Variants in EVI5 observed in about 807,000 individuals in gnomAD.
EVI5 encodes ecotropic viral integration site 5, also known as ecotropic viral integration site 5 protein homolog.
In EVI5, 73 loss-of-function variants were observed where a neutral mutation model predicts 112.0. The observed-to-expected ratio is 0.65, with a 90% CI of 0.54 to 0.79. EVI5 has a LOEUF of 0.79. EVI5 is among the 30% of genes least tolerant of loss of function. The pLI is 0.00. For missense variants in EVI5, 900 were observed against 968.8 expected (o/e 0.93, Z 0.94); for synonymous variants, 305 against 319.9 (o/e 0.95, Z 0.50).
In EVI5 at chr1:92,680,993, G is replaced by C. The variant is rs1473521346; in HGVS notation, c.1098-3775C>G. On this transcript the variant is annotated intron_variant, in intron 9 of 19. Transcript: ENST00000684568. ...CTAGAGCGGACCCTGGACGGAGGGTGGGGGAGATAGTTATACAGCATATTA... is the reference window on the plus strand; with the variant it reads ...CTAGAGCGGACCCTGGACGGAGGGTCGGGGAGATAGTTATACAGCATATTA... Among the ~76,000 whole-genome samples the C allele has an allele frequency of 2.6e-5, 4 of 152,262 alleles. No individual in the cohort carries two copies. In the South Asian group the frequency reaches 6.2e-4, roughly 24 times the overall value.
Position 92,785,033 on chromosome 1 carries a change from C to G in EVI5, c.-279G>C. ...CTACCCCTCCCGGCACCGCCGCTGTCGGAACTGCAGCCAGCCCCTTGCCAG... is the reference window on the plus strand; with the variant it reads ...CTACCCCTCCCGGCACCGCCGCTGTGGGAACTGCAGCCAGCCCCTTGCCAG... On this transcript the variant is annotated 5_prime_UTR_variant, in exon 1 of 20. Coordinates refer to ENST00000684568, the MANE Select transcript of EVI5 (RefSeq NM_001350197.2). The G allele has an allele frequency of 2.0e-6, 2 of 985,552 alleles. No individual in the cohort carries two copies. The highest frequency in any genetic ancestry group is 2.4e-6 in the Non-Finnish European group (2 of 830,058). The allele number at this position is 985,552 out of a possible 1,614,324, so 61.1% of individuals were successfully genotyped here. A position where few individuals can be genotyped will look rare whatever the true frequency, so the allele number is the denominator to read the frequency against.
chr1:92,549,844 AAAC>A (rs1666479995), intron 19 of EVI5, among the ~76,000 whole-genome samples: 1 of 152,206 alleles, frequency 6.6e-6, no homozygotes, highest in Non-Finnish European at 1.5e-5. Flanking sequence ...AAAAGTCAGG[AAAC>A]AACAGGTGCT....
At chr1:92,768,549 C>CA (rs1682970021) in intron 1 of EVI5, among the ~76,000 whole-genome samples, 1 of 152,154 alleles carries the variant, frequency 6.6e-6, no homozygotes, top group African/African-American at 2.4e-5. Flanking sequence ...TTTCTGCTCT[C>CA]AATTTTTAAA....
rs1020100658 is a variant in EVI5 at position 92,509,930 on chromosome 1, A to G, written c.*3726T>C. The G allele has an allele frequency of 2.6e-5, 4 of 152,188 alleles. No homozygotes were observed. The highest frequency in any genetic ancestry group is 9.7e-5 in the African/African-American group (4 of 41,448). The allele number at this position is 152,188 out of a possible 1,614,324, so 9.4% of individuals were successfully genotyped here. ...ATCACAAAATGTCAGTAATTAAATA[A>G]AATTCATCGAGAACATTGTTCAATG... On this transcript the variant is annotated 3_prime_UTR_variant, in exon 20 of 20. Coordinates refer to ENST00000684568, the MANE Select transcript of EVI5 (RefSeq NM_001350197.2).
chr1:92,770,099 A>G (rs549914955), intron 1 of EVI5, among the ~76,000 whole-genome samples: 41 of 152,324 alleles, frequency 2.7e-4, no homozygotes, highest in African/African-American at 9.1e-4. Flanking sequence ...GAGAAGCTAG[A>G]GAAGATTCTC....
chr1:92,745,713 G>A (rs939428268), intron 1 of EVI5, among the ~76,000 whole-genome samples: 1 of 152,094 alleles, frequency 6.6e-6, no homozygotes, highest in African/African-American at 2.4e-5. Context: ...AGGCCGAGGT[G>A]GAGGATCACT....
intron 1 of EVI5, among the ~76,000 whole-genome samples, chr1:92,775,961 A>T (rs1021002244): frequency 6.6e-6 from 1 of 152,058 alleles, no homozygotes; most frequent in African/African-American, 2.4e-5. Flanking sequence ...ATCAAAAATT[A>T]GCCAGGCGTG....
At chr1:92,521,533 A>G (rs1557704129) in intron 19 of EVI5, among the ~76,000 whole-genome samples, 2 of 152,112 alleles carry the variant, frequency 1.3e-5, no homozygotes, top group Non-Finnish European at 2.9e-5. Context: ...TCTACTAAAA[A>G]TACAAAAATT....
At chr1:92,640,254 C>CGTTT in intron 13 of EVI5, among the ~76,000 whole-genome samples, 1 of 152,284 alleles carries the variant, frequency 6.6e-6, no homozygotes, top group East Asian at 1.9e-4. Flanking sequence ...AAAGCCAAAA[C>CGTTT]TGACAAATGG....
At chr1:92,785,221 T>C (rs879353775), upstream of EVI5, 6 of 423,962 alleles carry the variant, frequency 1.4e-5, no homozygotes, top group Non-Finnish European at 1.9e-5. Context: ...GGCGAAGGGA[T>C]TGGACGGAGT....
intron 1 of EVI5, among the ~76,000 whole-genome samples, chr1:92,739,273 C>A (rs1250182151): frequency 1.8e-3 from 134 of 76,442 alleles, no homozygotes; most frequent in East Asian, 4.0e-3. Context: ...AACTCCGTCT[C>A]AAAAAAAAAA....
chr1:92,538,296 C>G (rs1316127307), intron 19 of EVI5, among the ~76,000 whole-genome samples: 1 of 152,296 alleles, frequency 6.6e-6, no homozygotes, highest in East Asian at 1.9e-4. Context: ...TGACCAATTA[C>G]AGGAAATAAA....
At chr1:92,620,421 A>C (rs1256048479) in intron 16 of EVI5, among the ~76,000 whole-genome samples, 1 of 151,350 alleles carries the variant, frequency 6.6e-6, no homozygotes, top group Non-Finnish European at 1.5e-5. Context: ...TCTATAAATC[A>C]AAGAAACTCA....
At chr1:92,579,866 TAAAC>T (rs952180578) in intron 18 of EVI5, among the ~76,000 whole-genome samples, 9 of 152,196 alleles carry the variant, frequency 5.9e-5, no homozygotes, top group African/African-American at 2.2e-4. Flanking sequence ...TTGTGATTAA[TAAAC>T]AAAGTAGAAA....
chr1:92,677,143 C>T lies in EVI5; in HGVS notation c.1158+15G>A, dbSNP rs751762349. Reference sequence around the variant, plus strand: ...TTCAATCAATCAGTACTTTAAAAAGCCCCCAACTGCTTACTTTAATTTCAA... The same window carrying T: ...TTCAATCAATCAGTACTTTAAAAAGTCCCCAACTGCTTACTTTAATTTCAA... On this transcript the variant is annotated intron_variant, in intron 10 of 19. Coordinates refer to ENST00000684568, the MANE Select transcript of EVI5 (RefSeq NM_001350197.2). 4 of 1,536,608 alleles carry T rather than the reference C, an allele frequency of 2.6e-6. No homozygotes were observed. Among genetic ancestry groups the T allele is most frequent in the Admixed American group, 3.6e-5 (2 of 56,290 alleles).
At chr1:92,704,258 G>T (rs1671644412) in intron 3 of EVI5, among the ~76,000 whole-genome samples, 1 of 152,138 alleles carries the variant, frequency 6.6e-6, no homozygotes, top group Non-Finnish European at 1.5e-5. Context: ...AGGTTATAGT[G>T]AGCTATGACT....
chr1:92,747,274 A>G (rs1372515526), intron 1 of EVI5, among the ~76,000 whole-genome samples: 1 of 152,170 alleles, frequency 6.6e-6, no homozygotes, highest in African/African-American at 2.4e-5. Flanking sequence ...ATACTGCACT[A>G]TTTTATATAT....
rs553001617 is a variant in EVI5 at position 92,609,070 on chromosome 1, G to C, written c.1828-1343C>G. Among the ~76,000 whole-genome samples, 11 of 152,274 alleles carry C rather than the reference G, an allele frequency of 7.2e-5. No individual in the cohort carries two copies. In the South Asian group the frequency reaches 2.1e-3, roughly 29 times the overall value. On this transcript the variant is annotated intron_variant, in intron 16 of 19. Transcript: ENST00000684568. Reference sequence around the variant, plus strand: ...TGTGCTAAAAAAACATATAGACCTTGAACTAACATGAGGTAGTTTTCACAC... The same window carrying C: ...TGTGCTAAAAAAACATATAGACCTTCAACTAACATGAGGTAGTTTTCACAC...
chr1:92,596,940 T>C (rs1216826949), intron 18 of EVI5, among the ~76,000 whole-genome samples: 1 of 152,240 alleles, frequency 6.6e-6, no homozygotes, highest in Non-Finnish European at 1.5e-5. Context: ...GTCTACGAGC[T>C]GTTTTTCCGG....
Sources: gnomAD v4.1 joint callset for allele counts (sites outside exome capture counted in the v4.1 genomes callset) on GRCh38, gnomAD v4.1.1 for gene constraint, MANE v1.5 for transcripts, NCBI Gene and HGNC (gene_info 2026-07-23, HGNC 2026-07-21) for gene names.